Variants in AUTS2 observed in about 807,000 individuals in gnomAD.
The protein encoded by AUTS2 is autism susceptibility gene 2 protein.
In AUTS2, 17 loss-of-function variants were observed where a neutral mutation model predicts 112.4. The observed-to-expected ratio is 0.15, with a 90% confidence interval of 0.10 to 0.23. AUTS2 has a LOEUF of 0.23. Ranked by LOEUF, AUTS2 falls within the 10% of genes least tolerant of loss-of-function variation. The probability of loss-of-function intolerance (pLI) is 1.00; values close to 1 mark genes in which losing one functional copy is unlikely to be tolerated. For synonymous variants in AUTS2, 751 were observed against 702.7 expected (o/e 1.07, Z -1.09); for missense variants, 1,510 against 1,701.6 (o/e 0.89, Z 1.98).
chr7:70,041,706 C>T lies in AUTS2; in HGVS notation c.523-76426C>T, dbSNP rs1801255592. Among the ~76,000 whole-genome samples, 2 of 152,112 alleles carry T rather than the reference C, an allele frequency of 1.3e-5. 1 individual carries two copies. Among genetic ancestry groups the T allele is most frequent in the South Asian group, 4.1e-4 (2 of 4,826 alleles). On this transcript the variant is annotated intron_variant, in intron 2 of 18. Coordinates refer to ENST00000342771, the MANE Select transcript of AUTS2 (RefSeq NM_015570.4). ...TTACCTTCTGGGTTTAAAATCTTAT[C>T]TGAGCCTTTTCTGCCCCTAAGATTC...
chr7:70,282,323 T>C lies in AUTS2; in HGVS notation c.660+147752T>C, dbSNP rs370495123. On this transcript the variant is annotated intron_variant, in intron 4 of 18. Coordinates refer to ENST00000342771, the MANE Select transcript of AUTS2 (RefSeq NM_015570.4). Reference sequence around the variant, plus strand: ...TCCCTTCTTGGTACCAGTTTTTGTCTTAGTCCACTCAGGCTGCTATAACAA... The same window carrying C: ...TCCCTTCTTGGTACCAGTTTTTGTCCTAGTCCACTCAGGCTGCTATAACAA... Among the ~76,000 whole-genome samples the C allele has an allele frequency of 2.8e-4, 43 of 152,290 alleles. 1 individual carries two copies. In the East Asian group the frequency reaches 8.3e-3, roughly 29 times the overall value.
intron 5 of AUTS2, among the ~76,000 whole-genome samples, chr7:70,440,455 G>A (rs1367805444): frequency 1.3e-5 from 2 of 152,002 alleles, no homozygotes; most frequent in South Asian, 2.1e-4. Context: ...CTCAGTGCCT[G>A]GTCCATAGTA....
intron 4 of AUTS2, among the ~76,000 whole-genome samples, chr7:70,406,698 G>A (rs6967417): frequency 0.072 from 11,008 of 152,230 alleles, 493 homozygotes; most frequent in East Asian, 0.14. Context: ...GTTGCAGTCA[G>A]CAGGGACCCA....
In AUTS2 at chr7:70,774,096, G is replaced by A. The variant is rs778155203; in HGVS notation, c.1899G>A (p.Pro633=). ...TVPHTLLQKD[P]RLTDPFRPML... ...CACACACTTTACTCCAAAAGGACCC[G>A]AGGGTACGTGCAAAGTCAGGCTTGG... Residue 633 remains proline (P), a synonymous_variant, in exon 12 of 19, where the codon CCG becomes CCA. Coordinates refer to ENST00000342771, the MANE Select transcript of AUTS2 (RefSeq NM_015570.4). 192 of 1,614,070 alleles carry A rather than the reference G, an allele frequency of 1.2e-4. No individual in the cohort carries two copies. The highest frequency in any genetic ancestry group is 3.5e-4 in the South Asian group (32 of 91,086).
intron 4 of AUTS2, among the ~76,000 whole-genome samples, chr7:70,391,489 G>A (rs567671846): frequency 1.3e-5 from 2 of 152,260 alleles, no homozygotes; most frequent in African/African-American, 2.4e-5. Context: ...AGCACAACCC[G>A]TTGTGGAGTT....
At chr7:69,675,600 G>A (rs1400706432) in intron 1 of AUTS2, among the ~76,000 whole-genome samples, 2 of 143,634 alleles carry the variant, frequency 1.4e-5, no homozygotes, top group African/African-American at 5.2e-5. Flanking sequence ...TCTGCCTCCC[G>A]GGTTCAAGAC....
intron 5 of AUTS2, among the ~76,000 whole-genome samples, chr7:70,674,115 C>G (rs913461632): frequency 2.0e-5 from 3 of 152,154 alleles, no homozygotes; most frequent in Non-Finnish European, 2.9e-5. Context: ...TTCACAGGCC[C>G]CTTGACTGGG....
intron 1 of AUTS2, among the ~76,000 whole-genome samples, chr7:69,802,639 C>T (rs1790135117): frequency 6.6e-6 from 1 of 152,182 alleles, no homozygotes. Context: ...AGTACTGGCT[C>T]ATAGTGCCTG....
chr7:69,928,698 C>G (rs746095769), intron 2 of AUTS2, among the ~76,000 whole-genome samples: 25 of 152,220 alleles, frequency 1.6e-4, no homozygotes, highest in Non-Finnish European at 3.4e-4. Flanking sequence ...GCAGGCACTT[C>G]TGAGCCTGCA....
In AUTS2 at chr7:70,512,571, T is replaced by C. The variant is rs1227465424; in HGVS notation, c.690+76790T>C. Among the ~76,000 whole-genome samples the C allele has an allele frequency of 3.9e-5, 6 of 152,124 alleles. No homozygotes were observed. The East Asian group carries it at 1.2e-3, about 29-fold the overall frequency. ...TAGGAAAACATCGAAACATCCATAC[T>C]GTCAGCTGACATGATTTGGGGTGAG... On this transcript the variant is annotated intron_variant, in intron 5 of 18. Transcript: ENST00000342771.
At chr7:70,787,853 A>C (rs1791616803) in intron 18 of AUTS2, among the ~76,000 whole-genome samples, 1 of 152,168 alleles carries the variant, frequency 6.6e-6, no homozygotes, top group Non-Finnish European at 1.5e-5. Flanking sequence ...GTTTTCTTTT[A>C]GAAAGCCATG....
At chr7:69,639,025 A>G (rs1291651491) in intron 1 of AUTS2, among the ~76,000 whole-genome samples, 1 of 152,218 alleles carries the variant, frequency 6.6e-6, no homozygotes, top group Non-Finnish European at 1.5e-5. Context: ...AATTAAAGAG[A>G]AGTTTTAACA....
chr7:70,264,083 T>C (rs1468021321), intron 4 of AUTS2, among the ~76,000 whole-genome samples: 3 of 152,218 alleles, frequency 2.0e-5, no homozygotes, highest in Non-Finnish European at 4.4e-5. Flanking sequence ...TTTCTCTTCT[T>C]CTCAATTCTA....
chr7:70,444,451 CT>C (rs1796244029), intron 5 of AUTS2, among the ~76,000 whole-genome samples: 1 of 151,820 alleles, frequency 6.6e-6, no homozygotes, highest in South Asian at 2.1e-4. Flanking sequence ...ATAAATGCTC[CT>C]CAGAACTGTG....
chr7:69,788,012 G>A lies in AUTS2; in HGVS notation c.310-111274G>A, dbSNP rs569868587. Among the ~76,000 whole-genome samples, 7 of 152,296 alleles carry A rather than the reference G, an allele frequency of 4.6e-5. No individual in the cohort carries two copies. In the East Asian group the frequency reaches 1.3e-3, roughly 29 times the overall value. On this transcript the variant is annotated intron_variant, in intron 1 of 18. Coordinates refer to ENST00000342771, the MANE Select transcript of AUTS2 (RefSeq NM_015570.4). Reference sequence around the variant, plus strand: ...TTCCCTCTTGCCTGGAATCACCCTTGAATGAATTCCTGATTGGTTCAGCTA... The same window carrying A: ...TTCCCTCTTGCCTGGAATCACCCTTAAATGAATTCCTGATTGGTTCAGCTA...
intron 5 of AUTS2, among the ~76,000 whole-genome samples, chr7:70,657,202 T>C (rs1347921226): frequency 2.0e-5 from 3 of 152,072 alleles, no homozygotes; most frequent in Non-Finnish European, 1.5e-5. Flanking sequence ...CTTTGGTGTG[T>C]GTAGCTGGGG....
rs534033649 is a variant in AUTS2, at chr7:70,789,909, C to T, written c.2693C>T (p.Ser898Leu). ...DKPKERERDH[S>L]ESRKDLAADE... ...CCCAAAGAGAGGGAGAGAGACCACT[C>T]GGAATCCCGCAAGGACCTGGCCGCC... Residue 898 changes from serine (S) to leucine (L), a missense_variant, in exon 19 of 19, where the codon TCG (serine) becomes TTG (leucine). By Grantham distance (145) the Ser-to-Leu change is moderately radical. Coordinates refer to ENST00000342771, the MANE Select transcript of AUTS2 (RefSeq NM_015570.4). 6.2e-6 allele frequency: 10 copies of T among 1,613,942 alleles called. No homozygotes were observed. The highest frequency in any genetic ancestry group is 5.0e-5 in the Admixed American group (3 of 60,004).
chr7:70,192,126 C>G (rs1202432453), intron 4 of AUTS2, among the ~76,000 whole-genome samples: 2 of 152,100 alleles, frequency 1.3e-5, no homozygotes, highest in African/African-American at 4.8e-5. Flanking sequence ...AAAATGGGAC[C>G]AGTAATACCT....
At chr7:70,778,055 C>T (rs572456362) in intron 14 of AUTS2, among the ~76,000 whole-genome samples, 6 of 152,288 alleles carry the variant, frequency 3.9e-5, no homozygotes, top group African/African-American at 7.2e-5. Flanking sequence ...CTAGTTACCT[C>T]GCTGTCCAAA....
Sources: gnomAD v4.1 joint callset for allele counts (sites outside exome capture counted in the v4.1 genomes callset) on GRCh38, gnomAD v4.1.1 for gene constraint, MANE v1.5 for transcripts, NCBI Gene and HGNC (gene_info 2026-07-23, HGNC 2026-07-21) for gene names.